Variants in CSMD1 observed in about 807,000 individuals in gnomAD.
The protein encoded by CSMD1 is CUB and Sushi multiple domains 1.
A neutral mutation model predicts 417.5 loss-of-function variants in CSMD1; 213 were observed. The observed-to-expected ratio is 0.51, with a 90% CI of 0.46 to 0.57. The LOEUF is 0.57. Ranked by LOEUF, CSMD1 falls within the 20% of genes least tolerant of loss-of-function variation. CSMD1 has a pLI of 0.00. For missense variants in CSMD1, 6,923 were observed against 4,529.7 expected (o/e 1.53, Z -15.17); for synonymous variants, 2,862 against 1,736.8 (o/e 1.65, Z -16.11).
At chr8:3,289,169 T>A (rs1803369721) in intron 25 of CSMD1, among the ~76,000 whole-genome samples, 1 of 147,690 alleles carries the variant, frequency 6.8e-6, no homozygotes, top group African/African-American at 2.7e-5. Flanking sequence ...TCATTTTTTA[T>A]GGCTGCATAG....
chr8:4,136,197 T>G (rs761223359), intron 3 of CSMD1, among the ~76,000 whole-genome samples: 1 of 152,188 alleles, frequency 6.6e-6, no homozygotes, highest in African/African-American at 2.4e-5. Flanking sequence ...AACAGCTATG[T>G]GAACACAAAA....
intron 4 of CSMD1, 103 bp from the exon 5 acceptor site, chr8:3,998,213 G>T: frequency 1.9e-6 from 2 of 1,032,426 alleles, no homozygotes; most frequent in Middle Eastern, 3.2e-4. Flanking sequence ...AATATTTTCT[G>T]AACCCAAAAT....
At chr8:4,514,909 G>C (rs562265875) in intron 2 of CSMD1, among the ~76,000 whole-genome samples, 2 of 152,282 alleles carry the variant, frequency 1.3e-5, no homozygotes, top group South Asian at 2.1e-4. Flanking sequence ...CGAGAACAGA[G>C]TAAGCAATAT....
At chr8:3,065,229 A>G (rs1479000696) in intron 49 of CSMD1, among the ~76,000 whole-genome samples, 1 of 152,196 alleles carries the variant, frequency 6.6e-6, no homozygotes, top group African/African-American at 2.4e-5. Flanking sequence ...GACAGATGAT[A>G]GAGTAGATAG....
intron 27 of CSMD1, among the ~76,000 whole-genome samples, chr8:3,225,024 T>C (rs2028741): frequency 0.27 from 41,772 of 152,100 alleles, 5,875 homozygotes; most frequent in East Asian, 0.31. Context: ...TTCCCATTAT[T>C]GGTCACACAT....
chr8:4,296,702 T>TC (rs1204810917), intron 3 of CSMD1, among the ~76,000 whole-genome samples: 2 of 149,434 alleles, frequency 1.3e-5, no homozygotes, highest in Middle Eastern at 3.4e-3. Context: ...AAGGGTTTTT[T>TC]TTTTTTTTTT....
At chr8:3,897,405 G>T (rs571219832) in intron 5 of CSMD1, among the ~76,000 whole-genome samples, 2 of 152,056 alleles carry the variant, frequency 1.3e-5, no homozygotes, top group African/African-American at 4.8e-5. Context: ...AAAACAAAAT[G>T]TTTCTCAAAG....
chr8:3,966,543 G>A (rs1379215449), intron 5 of CSMD1, among the ~76,000 whole-genome samples: 1 of 152,112 alleles, frequency 6.6e-6, no homozygotes, highest in South Asian at 2.1e-4. Flanking sequence ...TTTTGTTTCA[G>A]GTTTATTTTC....
chr8:3,983,721 T>C (rs1167149281), intron 5 of CSMD1, among the ~76,000 whole-genome samples: 2 of 152,230 alleles, frequency 1.3e-5, no homozygotes, highest in African/African-American at 2.4e-5. Context: ...TTGCTAAGTA[T>C]GGTTAGATGT....
intron 33 of CSMD1, among the ~76,000 whole-genome samples, chr8:3,192,193 G>T (rs1451900548): frequency 6.6e-6 from 1 of 152,138 alleles, no homozygotes; most frequent in African/African-American, 2.4e-5. Context: ...CACTGATGTG[G>T]AAAATAATTA....
At chr8:3,486,908 G>C (rs1469620525) in intron 11 of CSMD1, among the ~76,000 whole-genome samples, 1 of 152,166 alleles carries the variant, frequency 6.6e-6, no homozygotes, top group Non-Finnish European at 1.5e-5. Flanking sequence ...AGAGAGATCT[G>C]GCAATGTCTG....
chr8:2,958,419 C>T (rs1476350776), intron 62 of CSMD1, among the ~76,000 whole-genome samples: 1 of 152,228 alleles, frequency 6.6e-6, no homozygotes, highest in East Asian at 1.9e-4. Flanking sequence ...AGCTTGAATG[C>T]ATTTCCCCAA....
At chr8:3,856,835 C>A (rs1304587780) in intron 5 of CSMD1, among the ~76,000 whole-genome samples, 13 of 152,240 alleles carry the variant, frequency 8.5e-5, no homozygotes. Context: ...GTTAACAGAA[C>A]AGGCAACTGA....
At chr8:3,872,401 T>C (rs929138500) in intron 5 of CSMD1, among the ~76,000 whole-genome samples, 5 of 152,258 alleles carry the variant, frequency 3.3e-5, no homozygotes, top group Admixed American at 2.0e-4. Flanking sequence ...AACTGTTCAT[T>C]ACTACCTTCC....
chr8:4,835,826 A>G (rs768300537), intron 1 of CSMD1, among the ~76,000 whole-genome samples: 26 of 151,796 alleles, frequency 1.7e-4, no homozygotes, highest in Non-Finnish European at 5.9e-5. Flanking sequence ...CAGACATGGA[A>G]TTACTTGTAC....
chr8:3,698,339 T>C (rs1362822704), intron 7 of CSMD1, among the ~76,000 whole-genome samples: 2 of 152,240 alleles, frequency 1.3e-5, no homozygotes, highest in Non-Finnish European at 2.9e-5. Flanking sequence ...AACAGGGTCT[T>C]TAACAATTGC....
At chr8:3,687,116 T>A (rs943260235) in intron 7 of CSMD1, among the ~76,000 whole-genome samples, 2 of 152,242 alleles carry the variant, frequency 1.3e-5, no homozygotes, top group African/African-American at 4.8e-5. Context: ...GATCCTATAC[T>A]AATTTAAAAC....
At chr8:3,382,381 T>C (rs1482429724) in intron 18 of CSMD1, among the ~76,000 whole-genome samples, 1 of 145,656 alleles carries the variant, frequency 6.9e-6, no homozygotes, top group African/African-American at 2.5e-5. Flanking sequence ...ATAACTTTAG[T>C]AATTAGTTAT....
rs138566881 is a variant in CSMD1, at chr8:3,521,377, T to C, written c.1345-27651A>G. Reference sequence around the variant, plus strand: ...CCCTTCTCCCATGATGTCAGCCCTGTTGTCTTCCCAGCAACAATTCAGTGC... The same window carrying C: ...CCCTTCTCCCATGATGTCAGCCCTGCTGTCTTCCCAGCAACAATTCAGTGC... On this transcript the variant is annotated intron_variant, in intron 10 of 69. Coordinates refer to ENST00000635120, the MANE Select transcript of CSMD1 (RefSeq NM_033225.6). Among the ~76,000 whole-genome samples the C allele has an allele frequency of 7.9e-3, 1,197 of 152,278 alleles. 30 individuals carry two copies. The highest frequency in any genetic ancestry group is 0.076 in the South Asian group (368 of 4,818).
Sources: gnomAD v4.1 joint callset for allele counts (sites outside exome capture counted in the v4.1 genomes callset) on GRCh38, gnomAD v4.1.1 for gene constraint, MANE v1.5 for transcripts, NCBI Gene and HGNC (gene_info 2026-07-23, HGNC 2026-07-21) for gene names.